Variants in TENM3 observed in about 807,000 individuals in gnomAD.
TENM3 encodes teneurin transmembrane protein 3, also known as teneurin-3.
A neutral mutation model predicts 255.1 loss-of-function variants in TENM3; 63 were observed. The observed-to-expected ratio is 0.25, with a 90% CI of 0.20 to 0.30. TENM3 has a LOEUF of 0.30. Among genes scored for constraint, TENM3 ranks in the 10% least tolerant of loss-of-function variants. TENM3 has a pLI of 1.00. For synonymous variants in TENM3, 1,306 were observed against 1,322.3 expected (o/e 0.99, Z 0.27); for missense variants, 2,929 against 3,461.1 (o/e 0.85, Z 3.86).
the TENM3 span, among the ~76,000 whole-genome samples, chr4:181,522,100 C>CAAA: frequency 0.031 from 1,700 of 54,758 alleles, 51 homozygotes; most frequent in African/African-American, 0.037. Flanking sequence ...GACTCCGTCT[C>CAAA]AAAAAAAAAA....
chr4:182,450,851 G>T (rs977552392), intron 3 of TENM3, among the ~76,000 whole-genome samples: 1 of 152,196 alleles, frequency 6.6e-6, no homozygotes, highest in African/African-American at 2.4e-5. Context: ...AAAATGAGTT[G>T]TTTAATTATG....
At chr4:182,161,199 G>A (rs1487122326) in intron 1 of TENM3, among the ~76,000 whole-genome samples, 1 of 135,424 alleles carries the variant, frequency 7.4e-6, no homozygotes, top group Non-Finnish European at 1.6e-5. Flanking sequence ...GGCGGATCAC[G>A]AGGTCAGGAG....
chr4:181,461,690 T>C, the TENM3 span, among the ~76,000 whole-genome samples: 65 of 152,326 alleles, frequency 4.3e-4, no homozygotes, highest in African/African-American at 1.5e-3. Context: ...TTGTATTTTT[T>C]ATCTTTAGAA....
chr4:182,442,638 CTGGAG>C (rs1455743865), intron 3 of TENM3, among the ~76,000 whole-genome samples: 2 of 152,102 alleles, frequency 1.3e-5, no homozygotes, highest in Non-Finnish European at 2.9e-5. Context: ...GTCACCCAGG[CTGGAG>C]TGCAGTGGCA....
chr4:182,272,879 T>G (rs1364039793), intron 1 of TENM3, among the ~76,000 whole-genome samples: 1 of 152,084 alleles, frequency 6.6e-6, no homozygotes, highest in Non-Finnish European at 1.5e-5. Context: ...ATGGTTTCCT[T>G]CAGGTGCAGG....
chr4:182,289,534 C>T (rs748934661), intron 1 of TENM3, among the ~76,000 whole-genome samples: 1 of 152,138 alleles, frequency 6.6e-6, no homozygotes, highest in Non-Finnish European at 1.5e-5. Flanking sequence ...TTTATGTTAT[C>T]CAATAAATCT....
At chr4:181,902,760 G>A in the TENM3 span, among the ~76,000 whole-genome samples, 1 of 151,992 alleles carries the variant, frequency 6.6e-6, no homozygotes. Flanking sequence ...ACCAGGGCCT[G>A]TCAGGGGGTG....
the TENM3 span, among the ~76,000 whole-genome samples, chr4:181,932,477 C>A: frequency 2.2e-3 from 337 of 152,288 alleles, 3 homozygotes; most frequent in Middle Eastern, 3.4e-3. Flanking sequence ...CCATCTCACG[C>A]CAGTTAGAAT....
At chr4:182,107,608 C>T in the TENM3 span, among the ~76,000 whole-genome samples, 14 of 152,150 alleles carry the variant, frequency 9.2e-5, no homozygotes, top group African/African-American at 3.4e-4. Context: ...GCTCATTAAT[C>T]CAGTGAAGGA....
At chr4:182,472,999 A>G (rs557882499) in intron 3 of TENM3, among the ~76,000 whole-genome samples, 7 of 152,328 alleles carry the variant, frequency 4.6e-5, no homozygotes, top group Non-Finnish European at 1.0e-4. Context: ...AATTATAAAC[A>G]AATACTATAT....
At chr4:181,780,260 A>G in the TENM3 span, among the ~76,000 whole-genome samples, 1 of 152,168 alleles carries the variant, frequency 6.6e-6, no homozygotes, top group Non-Finnish European at 1.5e-5. Flanking sequence ...CCAACAGTGT[A>G]AAAGTGTTCC....
At chr4:182,053,551 G>A in the TENM3 span, among the ~76,000 whole-genome samples, 15 of 152,196 alleles carry the variant, frequency 9.9e-5, no homozygotes, top group Non-Finnish European at 1.6e-4. Context: ...GGCACTAATC[G>A]ATGTCCTGGG....
chr4:181,936,826 G>C, the TENM3 span, among the ~76,000 whole-genome samples: 4 of 152,024 alleles, frequency 2.6e-5, no homozygotes, highest in Admixed American at 2.0e-4. Context: ...CAAGCAGAAG[G>C]GGAGAGCAGC....
intron 13 of TENM3, among the ~76,000 whole-genome samples, chr4:182,724,159 G>A (rs1759980679): frequency 6.6e-6 from 1 of 152,106 alleles, no homozygotes; most frequent in South Asian, 2.1e-4. Context: ...GAGCATTTCT[G>A]ATTTATGTAG....
the TENM3 span, among the ~76,000 whole-genome samples, chr4:181,839,382 T>C: frequency 0.29 from 17,372 of 59,712 alleles, 2,354 homozygotes; most frequent in Admixed American, 0.36. Context: ...TATATATATA[T>C]ATACACCTAT....
At chr4:182,395,951 G>T (rs527483778) in intron 3 of TENM3, among the ~76,000 whole-genome samples, 5 of 152,184 alleles carry the variant, frequency 3.3e-5, no homozygotes, top group Non-Finnish European at 7.4e-5. Context: ...TCCCCAAATT[G>T]TTATTTTTAA....
chr4:181,587,733 C>A, the TENM3 span, among the ~76,000 whole-genome samples: 1 of 152,302 alleles, frequency 6.6e-6, no homozygotes, highest in African/African-American at 2.4e-5. Context: ...CGCTTTGTTT[C>A]CACCTTGTTT....
At chr4:181,727,941 C>G in the TENM3 span, among the ~76,000 whole-genome samples, 2 of 152,158 alleles carry the variant, frequency 1.3e-5, no homozygotes, top group Non-Finnish European at 2.9e-5. Flanking sequence ...ATGATTCAAT[C>G]TTATAAATCC....
chr4:182,730,419 A>G, intron 15 of TENM3, 100 bp downstream of exon 15: 3 of 1,383,338 alleles, frequency 2.2e-6, no homozygotes, highest in Non-Finnish European at 3.0e-6. Context: ...AAATATGGAA[A>G]TGCAGCAACT....
Sources: allele counts gnomAD v4.1 joint callset (sites outside exome capture counted in the v4.1 genomes callset), GRCh38; gene constraint gnomAD v4.1.1; transcripts MANE v1.5; gene names NCBI Gene and HGNC (gene_info 2026-07-23, HGNC 2026-07-21).